KALRN: variants seen among roughly 807,000 people sequenced by gnomAD.
The protein encoded by KALRN is kalirin RhoGEF kinase.
Under a neutral mutation model 353.7 loss-of-function variants are expected in KALRN, and 70 were observed. The observed-to-expected ratio is 0.20, with a 90% CI of 0.16 to 0.24. The LOEUF (loss-of-function observed/expected upper bound fraction) is 0.24. Ranked by LOEUF, KALRN falls within the 10% of genes least tolerant of loss-of-function variation. The pLI, the probability that KALRN is intolerant of heterozygous loss-of-function variation, is 1.00. For missense variants in KALRN, 2,791 were observed against 3,756.7 expected, an observed-to-expected ratio of 0.74 and a Z score of 6.72; for synonymous variants, 1,391 against 1,434.8, an observed-to-expected ratio of 0.97 and a Z score of 0.69.
chr3:124,103,036 G>A (rs980097541), intron 1 of KALRN, among the ~76,000 whole-genome samples: 37 of 152,166 alleles, frequency 2.4e-4, no homozygotes, highest in African/African-American at 8.0e-4. Context: ...CCAGGACCCC[G>A]GACTCCTGTC....
rs145976495 is a variant in KALRN, at chr3:124,101,667, G to A, written c.73+67854G>A. On this transcript the variant is annotated intron_variant, in intron 1 of 59. Transcript: ENST00000682506. Reference sequence around the variant, plus strand: ...TGATCTTTGTGCTTTCCTTTTCCTCGCTCTCATCCTCACCATGCCTGCAGC... The same window carrying A: ...TGATCTTTGTGCTTTCCTTTTCCTCACTCTCATCCTCACCATGCCTGCAGC... Among the ~76,000 whole-genome samples, 984 of 152,156 alleles carry A rather than the reference G, an allele frequency of 6.5e-3. 6 individuals are homozygous for A. The highest frequency in any genetic ancestry group is 0.011 in the Non-Finnish European group (747 of 67,996).
At chr3:124,566,368 T>G (rs897575618) in intron 34 of KALRN, among the ~76,000 whole-genome samples, 1 of 151,922 alleles carries the variant, frequency 6.6e-6, no homozygotes, top group Non-Finnish European at 1.5e-5. Flanking sequence ...CCAGGTGGGG[T>G]GGTGTGCACC....
At chr3:124,323,574 G>A (rs753776097) in intron 6 of KALRN, among the ~76,000 whole-genome samples, 1 of 152,204 alleles carries the variant, frequency 6.6e-6, no homozygotes, top group African/African-American at 2.4e-5. Flanking sequence ...CTTCCTAAAA[G>A]TAAGCAGAAA....
At chr3:124,657,420 C>T in intron 39 of KALRN, 28 bp from the exon 40 acceptor site, 4 of 1,512,990 alleles carry the variant, frequency 2.6e-6, no homozygotes, top group Non-Finnish European at 3.7e-6. Flanking sequence ...TGAAAATATG[C>T]TACTAACCAT....
intron 3 of KALRN, among the ~76,000 whole-genome samples, chr3:124,238,960 T>A (rs2080111467): frequency 6.6e-6 from 1 of 152,204 alleles, no homozygotes; most frequent in African/African-American, 2.4e-5. Context: ...CGTCTTCTAA[T>A]TCAACTTTTC....
chr3:124,664,370 T>TGTGTGCGCGCGCGCGCGC (rs370394911), intron 45 of KALRN, among the ~76,000 whole-genome samples: 1 of 129,534 alleles, frequency 7.7e-6, no homozygotes, highest in Non-Finnish European at 1.7e-5. Flanking sequence ...TGTGTGTGTG[T>TGTGTGCGCGCGCGCGCGC]GCGCGCGCGC....
Position 124,666,999 on chromosome 3 carries a change from C to A in KALRN, c.6532-13C>A. The A allele has an allele frequency of 6.3e-7, 1 of 1,583,780 alleles. No individual in the cohort carries two copies. Among genetic ancestry groups the A allele is most frequent in the Non-Finnish European group, 8.6e-7 (1 of 1,160,144 alleles). ...CTTTTAAATGTAAAAAGGATCAACT[C>A]GTTTTCTTCCAGATGAATTACTTGG... On this transcript the variant is annotated splice_polypyrimidine_tract_variant and intron_variant, in intron 46 of 59. Transcript: ENST00000682506.
intron 5 of KALRN, among the ~76,000 whole-genome samples, chr3:124,292,343 C>A (rs565432773): frequency 1.2e-3 from 189 of 152,124 alleles, no homozygotes; most frequent in Non-Finnish European, 2.3e-3. Flanking sequence ...GGAGGGATTG[C>A]ATGAAAAATT....
intron 8 of KALRN, among the ~76,000 whole-genome samples, chr3:124,330,714 G>A (rs769011482): frequency 2.0e-4 from 30 of 152,204 alleles, no homozygotes; most frequent in Admixed American, 3.3e-4. Flanking sequence ...TCTGAGGAAG[G>A]GGACTGAGGG....
At chr3:124,311,364 G>A (rs767427994) in intron 6 of KALRN, among the ~76,000 whole-genome samples, 9 of 151,476 alleles carry the variant, frequency 5.9e-5, no homozygotes, top group Non-Finnish European at 1.0e-4. Context: ...TGGGGAGGGC[G>A]AAGCAGGAGA....
intron 1 of KALRN, among the ~76,000 whole-genome samples, chr3:124,199,580 T>G (rs1429057619): frequency 6.6e-6 from 1 of 152,246 alleles, no homozygotes; most frequent in Admixed American, 6.5e-5. Flanking sequence ...CCAATCACCA[T>G]GCTAAATGCT....
chr3:124,267,958 A>G (rs2073754968), intron 4 of KALRN, among the ~76,000 whole-genome samples: 2 of 152,220 alleles, frequency 1.3e-5, no homozygotes, highest in Non-Finnish European at 2.9e-5. Context: ...GCCCTGGGTC[A>G]CACAGTTAAT....
In KALRN at chr3:124,632,687, G is replaced by T; in HGVS notation, c.5450G>T (p.Gly1817Val). The change falls in exon 35 of 60, where the codon GGA becomes GTA. Residue 1817 changes from glycine (G) to valine (V), a missense_variant. Physicochemically the swap from Gly to Val is moderately radical, Grantham distance 109 (BLOSUM62 -3). Transcript: ENST00000682506. ...CCTGGGGATGAAACAACCCCTCAGG[G>T]AGACAGCGCTGATGAGGTACTTACA... ...PKPGDETTPQ[G>V]DSADESKKGW... The T allele has an allele frequency of 6.2e-7, 1 of 1,614,156 alleles. No individual in the cohort carries two copies. The highest frequency in any genetic ancestry group is 8.5e-7 in the Non-Finnish European group (1 of 1,180,000).
intron 25 of KALRN, 70 bp downstream of exon 25, chr3:124,462,703 G>A (rs2059968918): frequency 2.3e-6 from 2 of 862,888 alleles, no homozygotes; most frequent in South Asian, 3.0e-5. Flanking sequence ...TTCCCAAGAA[G>A]TGGATCAAAG....
chr3:124,419,979 C>T (rs530432065), intron 14 of KALRN, among the ~76,000 whole-genome samples: 50 of 152,240 alleles, frequency 3.3e-4, no homozygotes, highest in Admixed American at 9.8e-4. Context: ...AACTAGGACT[C>T]GTGTCAGTGT....
chr3:124,385,374 C>A (rs957561764), intron 11 of KALRN, among the ~76,000 whole-genome samples: 2 of 152,196 alleles, frequency 1.3e-5, no homozygotes, highest in African/African-American at 4.8e-5. Flanking sequence ...GGATCACAGA[C>A]TCTCTTCCCA....
intron 1 of KALRN, among the ~76,000 whole-genome samples, chr3:124,049,375 A>G (rs2040823390): frequency 1.3e-5 from 2 of 152,184 alleles, no homozygotes; most frequent in Non-Finnish European, 2.9e-5. Context: ...ACCCGGTAAT[A>G]TGCCTGTTTT....
chr3:124,172,610 G>T (rs2072015044), intron 1 of KALRN, among the ~76,000 whole-genome samples: 1 of 152,034 alleles, frequency 6.6e-6, no homozygotes, highest in Non-Finnish European at 1.5e-5. Context: ...TCAGAATTTT[G>T]TATTGCAAGT....
At chr3:124,198,127 C>T (rs2075617992) in intron 1 of KALRN, among the ~76,000 whole-genome samples, 1 of 152,156 alleles carries the variant, frequency 6.6e-6, no homozygotes, top group Admixed American at 6.5e-5. Flanking sequence ...AAGCTTCGTG[C>T]TAAATGGGGA....
Sources: allele counts gnomAD v4.1 joint callset (sites outside exome capture counted in the v4.1 genomes callset), GRCh38; gene constraint gnomAD v4.1.1; transcripts MANE v1.5; gene names NCBI Gene and HGNC (gene_info 2026-07-23, HGNC 2026-07-21).